The following TTC5 variants were observed in gnomAD, a reference collection of about 807,000 sequenced individuals.
The protein encoded by TTC5 is tetratricopeptide repeat protein 5.
A neutral mutation model predicts 57.4 loss-of-function variants in TTC5; 46 were observed. The observed-to-expected ratio is 0.80, with a 90% confidence interval of 0.63 to 1.03. The LOEUF (loss-of-function observed/expected upper bound fraction) is 1.03. Among genes scored for constraint, TTC5 ranks in the 50% least tolerant of loss-of-function variants. The probability of loss-of-function intolerance (pLI) is 0.00; values close to 1 mark genes in which losing one functional copy is unlikely to be tolerated. For synonymous variants in TTC5, 190 were observed against 203.5 expected (o/e 0.93, Z 0.57); for missense variants, 504 against 528.1 (o/e 0.95, Z 0.45).
chr14:20,291,839 A>T, intron 9 of TTC5, 144 bp downstream of exon 9: 2 of 616,188 alleles, frequency 3.2e-6, no homozygotes, highest in Non-Finnish European at 4.5e-6. Flanking sequence ...TATATATATA[A>T]ATAAAACATA....
intron 2 of TTC5, 27 bp downstream of exon 2, chr14:20,301,806 G>T: frequency 6.2e-7 from 1 of 1,613,086 alleles, no homozygotes; most frequent in Non-Finnish European, 8.5e-7. Context: ...TGAAGGATGG[G>T]GGTTGTACAA....
intron 1 of TTC5, 148 bp downstream of exon 1, chr14:20,305,739 G>C (rs928402096): frequency 1.3e-6 from 1 of 789,474 alleles, no homozygotes; most frequent in Non-Finnish European, 2.1e-6. Flanking sequence ...GCTGGCTGCG[G>C]CTGCACCCTC....
intron 5 of TTC5, among the ~76,000 whole-genome samples, chr14:20,296,664 T>A (rs1324652389): frequency 2.0e-5 from 3 of 152,232 alleles, no homozygotes; most frequent in African/African-American, 7.2e-5. Flanking sequence ...GACTTCAAAA[T>A]ATTATTATAA....
chr14:20,289,569 G>C lies in TTC5; in HGVS notation c.*58C>G. The C allele has an allele frequency of 6.5e-7, 1 of 1,548,784 alleles. No homozygotes were observed. The highest frequency in any genetic ancestry group is 8.7e-7 in the Non-Finnish European group (1 of 1,146,710). On this transcript the variant is annotated 3_prime_UTR_variant, in exon 10 of 10. Transcript: ENST00000258821. ...CTGAATCACTGGATGTGGCTGGACC[G>C]GCTGTCCAGAGCCTTGTCTCCTCTC...
chr14:20,300,155 A>ATATATATATATATAT (rs1229722471), intron 3 of TTC5, among the ~76,000 whole-genome samples: 4 of 89,350 alleles, frequency 4.5e-5, no homozygotes, highest in African/African-American at 1.8e-4. Context: ...ATATATATAT[A>ATATATATATATATAT]TTTTTTTTTT....
chr14:20,295,291 G>A lies in TTC5; in HGVS notation c.1058+21C>T, dbSNP rs368545530. ...AATTAGTTCAAAAGGGTAAAATGGG[G>A]GAAATCCAAGAGAAACTCACAAGGG... On this transcript the variant is annotated intron_variant, in intron 8 of 9. Coordinates refer to ENST00000258821, the MANE Select transcript of TTC5 (RefSeq NM_138376.3). The A allele has an allele frequency of 5.6e-6, 9 of 1,611,428 alleles. No homozygotes were observed. In the African/African-American group the frequency reaches 9.4e-5, roughly 17 times the overall value.
rs1162302928 is a variant in TTC5, at chr14:20,300,669, C to G, written c.334G>C (p.Val112Leu). 1.2e-6 allele frequency: 2 copies of G among 1,614,146 alleles called. No individual in the cohort carries two copies. Among genetic ancestry groups the G allele is most frequent in the South Asian group, 2.2e-5 (2 of 91,088 alleles). Residue 112 changes from valine to leucine, a missense_variant, in exon 3 of 10, where the codon GTG (valine) becomes CTG (leucine). By Grantham distance (32) the Val-to-Leu change is conservative (BLOSUM62 1). Coordinates refer to ENST00000258821, the MANE Select transcript of TTC5 (RefSeq NM_138376.3). Reference sequence around the variant, plus strand: ...GCAACATCCCCTTTTTTCCAGTACACCTCACCCAGCTGGTTCCAGGCTTCC... The same window carrying G: ...GCAACATCCCCTTTTTTCCAGTACAGCTCACCCAGCTGGTTCCAGGCTTCC... ...LVEAWNQLGE[V>L]YWKKGDVAAA...
At chr14:20,299,226 G>A (rs1398758895) in intron 4 of TTC5, 72 bp downstream of exon 4, 33 of 1,517,882 alleles carry the variant, frequency 2.2e-5, no homozygotes, top group African/African-American at 2.8e-5. Context: ...CTCAAAAGAG[G>A]GACTGCAAAT....
intron 1 of TTC5, among the ~76,000 whole-genome samples, chr14:20,303,620 G>C (rs972598788): frequency 1.3e-5 from 2 of 152,174 alleles, no homozygotes; most frequent in Non-Finnish European, 2.9e-5. Flanking sequence ...CAGTCATCTT[G>C]TTTCTGTTCT....
intron 3 of TTC5, 104 bp downstream of exon 3, chr14:20,300,503 C>T: frequency 1.0e-6 from 1 of 1,001,002 alleles, no homozygotes; most frequent in Non-Finnish European, 1.4e-6. Flanking sequence ...TGTCCTAGTT[C>T]AATTTCAGTT....
At chr14:20,291,296 G>T (rs946003108) in intron 9 of TTC5, among the ~76,000 whole-genome samples, 5 of 152,106 alleles carry the variant, frequency 3.3e-5, no homozygotes, top group African/African-American at 4.8e-5. Flanking sequence ...GGGCTCAAGT[G>T]ATCCTCCCAC....
chr14:20,296,856 T>C (rs1427756935), intron 5 of TTC5, among the ~76,000 whole-genome samples: 2 of 152,020 alleles, frequency 1.3e-5, no homozygotes, highest in East Asian at 1.9e-4. Flanking sequence ...CTACTAAAAA[T>C]ACAAAACTTA....
chr14:20,299,069 T>G (rs1293545412), intron 4 of TTC5, among the ~76,000 whole-genome samples, 181 bp from the exon 5 acceptor site: 1 of 152,232 alleles, frequency 6.6e-6, no homozygotes, highest in Non-Finnish European at 1.5e-5. Flanking sequence ...AACTGAAGTT[T>G]GAACAGACTG....
At position 20,296,477 on chromosome 14, in the gene TTC5, T is replaced by C. The variant is rs754356012; in HGVS notation, c.640-31A>G. On this transcript the variant is annotated intron_variant, in intron 5 of 9. Coordinates refer to ENST00000258821, the MANE Select transcript of TTC5 (RefSeq NM_138376.3). The stretch of plus-strand genomic sequence containing the variant: ...ATGGGATGAAAAGATTATCAGTGGA[T>C]CCTGTCTCAATGTTAAGGACTGACA... 3.9e-6 allele frequency: 6 copies of C among 1,557,490 alleles called. No individual in the cohort carries two copies. The East Asian group carries it at 1.3e-4, about 35-fold the overall frequency.
intron 1 of TTC5, chr14:20,305,531 G>T: frequency 3.7e-6 from 1 of 271,260 alleles, no homozygotes; most frequent in Non-Finnish European, 7.0e-6. Context: ...GCTTTTGTAG[G>T]GATCAAAACA....
chr14:20,287,772 G>A lies in TTC5; in HGVS notation c.*1855C>T, dbSNP rs1881868337. 1 of 152,058 alleles carries A rather than the reference G, an allele frequency of 6.6e-6. No homozygotes were observed. The highest frequency in any genetic ancestry group is 1.5e-5 in the Non-Finnish European group (1 of 68,014). The allele number at this position is 152,058 out of a possible 1,614,324, so 9.4% of individuals were successfully genotyped here. A position where few individuals can be genotyped will look rare whatever the true frequency, so the allele number is the denominator to read the frequency against. ...AGTATTTGGGTCCCACATCTCTACT[G>A]CCTCAAATGTTTACACATACTACTA... On this transcript the variant is annotated 3_prime_UTR_variant, in exon 10 of 10. Coordinates refer to ENST00000258821, the MANE Select transcript of TTC5 (RefSeq NM_138376.3).
chr14:20,294,008 T>A (rs935330217), intron 8 of TTC5: 2 of 152,154 alleles, frequency 1.3e-5, no homozygotes, highest in African/African-American at 4.8e-5. Flanking sequence ...TTATATGACA[T>A]CACAGGGCAA....
At chr14:20,292,150 G>C (rs1175152322) in intron 8 of TTC5, 23 bp from the exon 9 acceptor site, 1 of 1,472,162 alleles carries the variant, frequency 6.8e-7, no homozygotes, top group South Asian at 1.5e-5. Context: ...GACAGATTAG[G>C]AGAGAGGAAA....
At chr14:20,291,905 T>C in intron 9 of TTC5, 78 bp downstream of exon 9, 3 of 1,272,660 alleles carry the variant, frequency 2.4e-6, no homozygotes, top group African/African-American at 1.5e-5. Flanking sequence ...TAATTATTTC[T>C]ATATCTTTTA....
Sources: gnomAD v4.1 joint callset for allele counts (sites outside exome capture counted in the v4.1 genomes callset) on GRCh38, gnomAD v4.1.1 for gene constraint, MANE v1.5 for transcripts, NCBI Gene and HGNC (gene_info 2026-07-23, HGNC 2026-07-21) for gene names.